PELP1: variants seen among roughly 807,000 people sequenced by gnomAD.
PELP1 encodes proline-, glutamic acid- and leucine-rich protein 1.
PELP1 carries 32 observed loss-of-function variants against 95.5 expected under a neutral mutation model. The observed-to-expected ratio is 0.34, with a 90% CI of 0.25 to 0.45. PELP1 has a LOEUF of 0.45. PELP1 is among the 20% of genes least tolerant of loss of function. The probability of loss-of-function intolerance (pLI) is 1.00; values close to 1 mark genes in which losing one functional copy is unlikely to be tolerated. For missense variants in PELP1, 1,358 were observed against 1,444.8 expected, an observed-to-expected ratio of 0.94 and a Z score of 0.97; for synonymous variants, 668 against 600.1, an observed-to-expected ratio of 1.11 and a Z score of -1.65.
intron 3 of PELP1, among the ~76,000 whole-genome samples, chr17:4,684,754 G>A (rs1469895462): frequency 6.6e-6 from 1 of 152,122 alleles, no homozygotes; most frequent in African/African-American, 2.4e-5. Context: ...GAGTGCAGTG[G>A]TGTGATCTTG....
chr17:4,672,410 C>T lies in PELP1; in HGVS notation c.2581G>A (p.Val861Ile). The T allele has an allele frequency of 6.4e-7, 1 of 1,565,774 alleles. No individual in the cohort carries two copies. The highest frequency in any genetic ancestry group is 8.7e-7 in the Non-Finnish European group (1 of 1,154,896). ...CCCCCACCAGGAGTCCCTTCAGGGA[C>T]CAACTGGGGTGGAGGGAGCGTCACA... is the stretch of plus-strand genomic sequence containing the variant. The part of the protein sequence containing the change: ...GPVTLPPPQL[V>I]PEGTPGGGGP... Residue 861 changes from valine to isoleucine, a missense_variant, in exon 16 of 17, where the codon GTC becomes ATC. Val to Ile is a conservative substitution (Grantham distance 29). Transcript: ENST00000572293.
chr17:4,673,597 A>C lies in PELP1; in HGVS notation c.1638+22T>G. On this transcript the variant is annotated intron_variant, in intron 14 of 16. Coordinates refer to ENST00000572293, the MANE Select transcript of PELP1 (RefSeq NM_014389.3). The surrounding 1 kb of genome is among the most constrained non-coding windows in gnomAD (Gnocchi z 5.7). ...AGCAGGGGCCCCTTCCCCTATCTCC[A>C]CGGAGACGAGGCTCCACTAACCCTG... 1.9e-6 allele frequency: 3 copies of C among 1,611,038 alleles called. No homozygotes were observed. The highest frequency in any genetic ancestry group is 1.7e-6 in the Non-Finnish European group (2 of 1,177,252).
chr17:4,685,881 G>A (rs949330037), intron 3 of PELP1, among the ~76,000 whole-genome samples: 2 of 152,062 alleles, frequency 1.3e-5, no homozygotes, highest in African/African-American at 4.8e-5. Flanking sequence ...TGGATCACTT[G>A]AGGTCAGGAG....
chr17:4,672,463 G>A lies in PELP1; in HGVS notation c.2528C>T (p.Pro843Leu), dbSNP rs557357750. 6 of 1,567,374 alleles carry A rather than the reference G, an allele frequency of 3.8e-6. No individual in the cohort carries two copies. Among genetic ancestry groups the A allele is most frequent in the Non-Finnish European group, 8.6e-7 (1 of 1,157,220 alleles). The stretch of plus-strand genomic sequence containing the variant: ...ACCAGGAACAGGCGGCGGCGGAGGT[G>A]GGGGTGGCGGGAGAGGCCCTGGGGC... ...PAAPGPLPPPPPPPPPVPGPV... is the reference protein window; with the variant it reads ...PAAPGPLPPPLPPPPPVPGPV... Residue 843 changes from proline (P) to leucine (L), a missense_variant, in exon 16 of 17, where the codon CCA becomes CTA. Around this residue, in one of 7 missense-constraint regions of PELP1, gnomAD observed 340 missense variants for 322.9 expected, o/e 1.05. Transcript: ENST00000572293.
In PELP1 at chr17:4,672,200, A is replaced by C; in HGVS notation, c.2791T>G (p.Phe931Val). 3.2e-6 allele frequency: 5 copies of C among 1,544,582 alleles called. No individual in the cohort carries two copies. The highest frequency in any genetic ancestry group is 2.8e-5 in the African/African-American group (2 of 70,396). The change falls in exon 16 of 17, where the codon TTT (phenylalanine) becomes GTT (valine). Residue 931 changes from phenylalanine to valine, a missense_variant. By Grantham distance (50) the Phe-to-Val change is conservative. This residue lies in a region of PELP1 where 283 missense variants were observed against 284.1 expected (regional missense o/e 1.00). Transcript: ENST00000572293. ...TCTTCTTCCTCAAATTCTTCCTCAAACTCTTCTTCCTCCTCTTCTTCCTCT... is the reference window on the plus strand; with the variant it reads ...TCTTCTTCCTCAAATTCTTCCTCAACCTCTTCTTCCTCCTCTTCTTCCTCT... ...FEEEEEEEEE[F>V]EEEFEEEEGE...
chr17:4,677,224 G>C (rs912481550), intron 5 of PELP1, among the ~76,000 whole-genome samples: 2 of 152,136 alleles, frequency 1.3e-5, no homozygotes, highest in African/African-American at 4.8e-5. Flanking sequence ...ATGAGGGCAG[G>C]ACAAGGTCAA....
intron 3 of PELP1, among the ~76,000 whole-genome samples, chr17:4,683,375 C>T (rs1200699245): frequency 3.3e-5 from 5 of 151,686 alleles, no homozygotes; most frequent in African/African-American, 7.3e-5. Flanking sequence ...CGCCCGCCAC[C>T]ACGCCTGACT....
intron 4 of PELP1, 36 bp from the exon 5 acceptor site, chr17:4,682,609 G>A (rs372005152): frequency 7.3e-5 from 113 of 1,554,040 alleles, no homozygotes; most frequent in Non-Finnish European, 9.3e-5. Context: ...GAGAGGCTGC[G>A]AGCACCATGT....
intron 6 of PELP1, 41 bp downstream of exon 6, chr17:4,676,712 C>G (rs1912494743): frequency 6.6e-6 from 10 of 1,521,924 alleles, no homozygotes; most frequent in Non-Finnish European, 8.9e-6. Context: ...ACAATCCAGG[C>G]TCAGATCCCC....
At chr17:4,686,408 C>T (rs188934133) in intron 3 of PELP1, among the ~76,000 whole-genome samples, 66 of 152,328 alleles carry the variant, frequency 4.3e-4, no homozygotes, top group African/African-American at 8.9e-4. Context: ...CTAGTCCAAG[C>T]TACTATGAAT....
intron 1 of PELP1, among the ~76,000 whole-genome samples, chr17:4,697,801 G>A (rs1042909383): frequency 6.6e-6 from 1 of 151,714 alleles, no homozygotes; most frequent in Non-Finnish European, 1.5e-5. Context: ...ATTCAGGGAA[G>A]AACCTTTAAT....
chr17:4,672,978 C>A lies in PELP1; in HGVS notation c.2013G>T (p.Met671Ile), dbSNP rs770972452. 7.6e-6 allele frequency: 12 copies of A among 1,581,186 alleles called. No homozygotes were observed. The highest frequency in any genetic ancestry group is 2.7e-5 in the African/African-American group (2 of 74,118). The change falls in exon 16 of 17, where the codon ATG becomes ATT. Residue 671 changes from methionine (M) to isoleucine (I), a missense_variant. This residue lies in a region of PELP1 where 340 missense variants were observed against 322.9 expected (regional missense o/e 1.05). Coordinates refer to ENST00000572293, the MANE Select transcript of PELP1 (RefSeq NM_014389.3). ...CTGAGGGCATGGAGCCCACTGAGGG[C>A]ATGGGGCCCGGAGGATGGAACGGTG... Reference protein sequence around the residue: ...RAPPFHPPGPMPSVGSMPSAG... With the variant: ...RAPPFHPPGPIPSVGSMPSAG...
intron 1 of PELP1, among the ~76,000 whole-genome samples, chr17:4,695,967 G>A (rs1206348531): frequency 2.0e-5 from 3 of 150,238 alleles, no homozygotes; most frequent in Non-Finnish European, 4.4e-5. Flanking sequence ...ATGAACCCCC[G>A]CAGTAAAGCT....
In PELP1 at chr17:4,699,236, G is replaced by A. The variant is rs191995163; in HGVS notation, c.249+4627C>T. On this transcript the variant is annotated intron_variant, in intron 1 of 16. Coordinates refer to ENST00000572293, the MANE Select transcript of PELP1 (RefSeq NM_014389.3). ...CCACTAAAAATACAAAAAAATAGCCGGGCATGGTGGTGGGCAACTGTAGTC... is the reference window on the plus strand; with the variant it reads ...CCACTAAAAATACAAAAAAATAGCCAGGCATGGTGGTGGGCAACTGTAGTC... 6.4e-3 allele frequency among the ~76,000 whole-genome samples: 978 copies of A among 152,010 alleles called. 4 individuals are homozygous for A. The highest frequency in any genetic ancestry group is 8.5e-3 in the Non-Finnish European group (579 of 67,978).
intron 3 of PELP1, among the ~76,000 whole-genome samples, 158 bp downstream of exon 3, chr17:4,690,730 A>C: frequency 6.6e-6 from 1 of 152,182 alleles, no homozygotes; most frequent in Non-Finnish European, 1.5e-5. Context: ...TCAAAAAAAA[A>C]GTTTCTATTT....
In PELP1 at chr17:4,682,505, G is replaced by A; in HGVS notation, c.639C>T (p.Leu213=). ...MTYFPRACGS[L]KGKLASFFLS... is the part of the protein sequence containing the mutation. ...AGAAGAGTGCATAAATACTTACTTT[G>A]AGAGAACCACAAGCCCGAGGGAAAT... is the stretch of plus-strand genomic sequence containing the variant. Residue 213 remains leucine (L), a synonymous_variant, in exon 5 of 17, where the codon CTC becomes CTT. Transcript: ENST00000572293. 2 of 1,604,256 alleles carry A rather than the reference G, an allele frequency of 1.2e-6. No homozygotes were observed. The highest frequency in any genetic ancestry group is 2.2e-5 in the East Asian group (1 of 44,846).
chr17:4,691,391 A>T lies in PELP1; in HGVS notation c.301T>A (p.Ser101Thr). 6.2e-7 allele frequency: 1 copy of T among 1,613,468 alleles called. No individual in the cohort carries two copies. Among genetic ancestry groups the T allele is most frequent in the Non-Finnish European group, 8.5e-7 (1 of 1,179,410 alleles). Residue 101 changes from serine (S) to threonine (T), a missense_variant, in exon 2 of 17, where the codon TCC becomes ACC. Coordinates refer to ENST00000572293, the MANE Select transcript of PELP1 (RefSeq NM_014389.3). ...CCAAAGACTTACCGAGTTTTGATGG[A>T]ACTGAGACGTGCATTACTGAGACTC... Reference protein sequence around the residue: ...LVSLSNARLSSIKTRFEGLCL... With the variant: ...LVSLSNARLSTIKTRFEGLCL...
intron 3 of PELP1, among the ~76,000 whole-genome samples, chr17:4,684,274 G>A (rs1375324747): frequency 6.6e-6 from 1 of 152,054 alleles, no homozygotes; most frequent in Non-Finnish European, 1.5e-5. Flanking sequence ...ACATTTCTCT[G>A]GTTAACGCTG....
intron 5 of PELP1, among the ~76,000 whole-genome samples, chr17:4,679,193 T>A (rs1912607753): frequency 6.6e-6 from 1 of 152,024 alleles, no homozygotes; most frequent in South Asian, 2.1e-4. Flanking sequence ...ACCCAGCTAA[T>A]TTTTTTGTAT....
Sources: allele counts gnomAD v4.1 joint callset (sites outside exome capture counted in the v4.1 genomes callset), GRCh38; gene constraint gnomAD v4.1.1; regional missense constraint gnomAD v4.1.1; non-coding constraint Gnocchi (gnomAD v3.1); transcripts MANE v1.5; gene names NCBI Gene and HGNC (gene_info 2026-07-23, HGNC 2026-07-21).